Variants in PRKN observed in about 807,000 individuals in gnomAD.
PRKN encodes E3 ubiquitin-protein ligase parkin.
In PRKN, 56 loss-of-function variants were observed where a neutral mutation model predicts 59.5. That is an observed-to-expected ratio of 0.94 (90% confidence interval 0.76 to 1.18). PRKN has a LOEUF of 1.18. PRKN is among the 50% of genes most tolerant of loss of function. The pLI is 0.00. For synonymous variants in PRKN, 250 were observed against 222.1 expected, an observed-to-expected ratio of 1.13 and a Z score of -1.12; for missense variants, 657 against 596.4, an observed-to-expected ratio of 1.10 and a Z score of -1.06.
intron 1 of PRKN, among the ~76,000 whole-genome samples, chr6:162,503,058 A>C (rs1278290316): frequency 1.3e-5 from 2 of 149,168 alleles, no homozygotes; most frequent in Non-Finnish European, 3.0e-5. Flanking sequence ...CATCAAATTT[A>C]TGTATTAATA....
At chr6:161,746,766 GAT>G (rs1022332032) in intron 7 of PRKN, among the ~76,000 whole-genome samples, 4 of 142,858 alleles carry the variant, frequency 2.8e-5, no homozygotes, top group African/African-American at 8.1e-5. Context: ...TATCTATATA[GAT>G]ATATATGTCT....
intron 2 of PRKN, among the ~76,000 whole-genome samples, chr6:162,320,792 A>C (rs926385280): frequency 5.9e-5 from 9 of 151,870 alleles, no homozygotes; most frequent in African/African-American, 2.2e-4. Flanking sequence ...TTTCTAAACA[A>C]GCCTTGGGTA....
intron 5 of PRKN, among the ~76,000 whole-genome samples, chr6:162,012,766 C>T (rs1287752829): frequency 5.9e-5 from 9 of 152,110 alleles, no homozygotes; most frequent in Non-Finnish European, 1.2e-4. Flanking sequence ...GTCCCTCAAT[C>T]TCTCTCTCAT....
intron 1 of PRKN, among the ~76,000 whole-genome samples, chr6:162,630,350 T>C (rs544598079): frequency 3.4e-4 from 52 of 152,276 alleles, no homozygotes; most frequent in African/African-American, 1.1e-3. Context: ...ATCAATTACT[T>C]TGATTTCCCA....
At chr6:161,806,599 T>A (rs1436984077) in intron 6 of PRKN, among the ~76,000 whole-genome samples, 2 of 152,164 alleles carry the variant, frequency 1.3e-5, no homozygotes, top group African/African-American at 2.4e-5. Flanking sequence ...TCCACCGAGC[T>A]CTGATTCTGG....
chr6:161,708,393 T>G (rs1786597976), intron 7 of PRKN, among the ~76,000 whole-genome samples: 1 of 151,950 alleles, frequency 6.6e-6, no homozygotes, highest in Non-Finnish European at 1.5e-5. Context: ...CTCTTTCTCT[T>G]TGCATTTTAC....
chr6:162,700,998 A>T (rs1036532398), intron 1 of PRKN, among the ~76,000 whole-genome samples: 17 of 152,264 alleles, frequency 1.1e-4, no homozygotes, highest in Non-Finnish European at 1.9e-4. Context: ...ACTTTTATAA[A>T]GCAGAATCTG....
chr6:162,593,915 C>G (rs1781399502), intron 1 of PRKN, among the ~76,000 whole-genome samples: 3 of 152,108 alleles, frequency 2.0e-5, no homozygotes, highest in African/African-American at 7.2e-5. Flanking sequence ...TTTGGGAGGC[C>G]AAGGCAGTGG....
intron 1 of PRKN, among the ~76,000 whole-genome samples, chr6:162,489,579 C>T (rs943483045): frequency 6.6e-6 from 1 of 152,028 alleles, no homozygotes; most frequent in Non-Finnish European, 1.5e-5. Flanking sequence ...GCACTTTGCC[C>T]GACAGCATGA....
At chr6:161,935,839 C>A (rs1036880282) in intron 6 of PRKN, among the ~76,000 whole-genome samples, 4 of 152,158 alleles carry the variant, frequency 2.6e-5, no homozygotes, top group Non-Finnish European at 5.9e-5. Context: ...GTGAAAAATT[C>A]ATCCTGTTTG....
chr6:161,591,959 C>T (rs1781741452), intron 7 of PRKN, among the ~76,000 whole-genome samples: 1 of 152,088 alleles, frequency 6.6e-6, no homozygotes, highest in African/African-American at 2.4e-5. Flanking sequence ...GATTCCACTA[C>T]TCCTTTGGGA....
At chr6:162,062,354 A>G (rs1454955316) in intron 4 of PRKN, among the ~76,000 whole-genome samples, 2 of 152,320 alleles carry the variant, frequency 1.3e-5, no homozygotes, top group African/African-American at 4.8e-5. Context: ...TGAAATGCAG[A>G]GGTCGCTTGG....
chr6:162,425,531 G>C (rs545270151), intron 2 of PRKN, among the ~76,000 whole-genome samples: 1 of 152,254 alleles, frequency 6.6e-6, no homozygotes, highest in Admixed American at 6.5e-5. Context: ...GATTCCATCA[G>C]AAAAGGCAGT....
At chr6:161,943,827 C>CTTGA in intron 6 of PRKN, among the ~76,000 whole-genome samples, 2 of 150,806 alleles carry the variant, frequency 1.3e-5, no homozygotes, top group Non-Finnish European at 2.9e-5. Context: ...AGGAATCAGC[C>CTTGA]TGAAGGATCA....
chr6:161,775,459 G>T (rs551574104), intron 7 of PRKN, among the ~76,000 whole-genome samples: 1 of 152,198 alleles, frequency 6.6e-6, no homozygotes, highest in South Asian at 2.1e-4. Flanking sequence ...CACCAGGCTA[G>T]CCTCAAATTC....
At chr6:161,892,910 T>C (rs1777464668) in intron 6 of PRKN, among the ~76,000 whole-genome samples, 1 of 152,254 alleles carries the variant, frequency 6.6e-6, no homozygotes, top group Admixed American at 6.5e-5. Flanking sequence ...TGGTGCAATC[T>C]TGCCTCACTG....
At chr6:162,223,936 G>T (rs1435365513) in intron 3 of PRKN, among the ~76,000 whole-genome samples, 4 of 152,028 alleles carry the variant, frequency 2.6e-5, no homozygotes, top group African/African-American at 9.7e-5. Context: ...AAAGGACAGG[G>T]AATGAAGGAC....
At chr6:162,295,200 T>A (rs1781612611) in intron 2 of PRKN, among the ~76,000 whole-genome samples, 1 of 152,168 alleles carries the variant, frequency 6.6e-6, no homozygotes, top group Non-Finnish European at 1.5e-5. Context: ...GGTCGCTCGG[T>A]ACCCATATGG....
chr6:162,202,202 ATTT>A (rs531309780), intron 3 of PRKN, among the ~76,000 whole-genome samples: 1 of 151,342 alleles, frequency 6.6e-6, no homozygotes, highest in African/African-American at 2.4e-5. Context: ...GAGATAATAT[ATTT>A]TTTTTTAACA....
Sources: allele counts gnomAD v4.1 joint callset (sites outside exome capture counted in the v4.1 genomes callset), GRCh38; gene constraint gnomAD v4.1.1; transcripts MANE v1.5; gene names NCBI Gene and HGNC (gene_info 2026-07-23, HGNC 2026-07-21).